The following ASAP1 variants were observed in gnomAD, a reference collection of about 807,000 sequenced individuals.
ASAP1 encodes the protein arf-GAP with SH3 domain, ANK repeat and PH domain-containing protein 1.
In ASAP1, 43 loss-of-function variants were observed where a neutral mutation model predicts 145.2. The observed-to-expected ratio is 0.30, with a 90% CI of 0.23 to 0.38. The LOEUF is 0.38. Ranked by LOEUF, ASAP1 falls within the 10% of genes least tolerant of loss-of-function variation. The pLI is 1.00. For synonymous variants in ASAP1, 546 were observed against 515.5 expected, an observed-to-expected ratio of 1.06 and a Z score of -0.80; for missense variants, 1,018 against 1,355.3, an observed-to-expected ratio of 0.75 and a Z score of 3.91.
At chr8:130,118,049 G>C (rs1255552671) in intron 20 of ASAP1, 112 bp downstream of exon 20, 4 of 816,858 alleles carry the variant, frequency 4.9e-6, no homozygotes, top group African/African-American at 1.7e-5. Context: ...TTTATATCTA[G>C]CATGACACAG....
chr8:130,210,056 A>G (rs1565092435), intron 5 of ASAP1, among the ~76,000 whole-genome samples: 1 of 152,204 alleles, frequency 6.6e-6, no homozygotes, highest in Non-Finnish European at 1.5e-5. Flanking sequence ...AGGAAGGACT[A>G]CTTATGAAGT....
chr8:130,284,842 T>TACACACACACACACACACACACAC (rs34799517), intron 3 of ASAP1, among the ~76,000 whole-genome samples: 1 of 141,534 alleles, frequency 7.1e-6, no homozygotes, highest in Admixed American at 7.1e-5. Flanking sequence ...TTTTACACTC[T>TACACACACACACACACACACACAC]ACACACACAC....
chr8:130,410,696 T>G (rs1222555999), intron 1 of ASAP1, among the ~76,000 whole-genome samples: 3 of 152,240 alleles, frequency 2.0e-5, no homozygotes, highest in African/African-American at 7.2e-5. Context: ...CAGAGCCATC[T>G]GGGCAGCTGC....
intron 2 of ASAP1, among the ~76,000 whole-genome samples, chr8:130,368,953 T>C (rs1017517780): frequency 1.1e-4 from 16 of 152,214 alleles, no homozygotes; most frequent in Admixed American, 8.5e-4. Context: ...GCTAATCTTT[T>C]CCTGGGTTCC....
intron 24 of ASAP1, among the ~76,000 whole-genome samples, chr8:130,098,910 C>A (rs74984564): frequency 0.019 from 2,914 of 152,076 alleles, 96 homozygotes; most frequent in African/African-American, 0.065. Context: ...TATTTTGTAT[C>A]CATTAATCAG....
rs1818097486 is a variant in ASAP1, at chr8:130,234,512, A to G, written c.259+2410T>C. On this transcript the variant is annotated intron_variant, in intron 4 of 29. Coordinates refer to ENST00000518721, the MANE Select transcript of ASAP1 (RefSeq NM_018482.4). ...CTTGAACTCTCACCTCTTTACATCC[A>G]TACAGGAACAATCTCTCCCTTCTGT... is the stretch of plus-strand genomic sequence containing the variant. 2.6e-5 allele frequency among the ~76,000 whole-genome samples: 4 copies of G among 152,136 alleles called. No homozygotes were observed. In the South Asian group the frequency reaches 8.3e-4, roughly 31 times the overall value.
intron 3 of ASAP1, among the ~76,000 whole-genome samples, chr8:130,307,939 G>C (rs971253011): frequency 6.6e-6 from 1 of 152,134 alleles, no homozygotes; most frequent in African/African-American, 2.4e-5. Context: ...GAGAAATAAT[G>C]TTTGCACAGC....
chr8:130,308,958 G>A (rs1424271848), intron 3 of ASAP1, among the ~76,000 whole-genome samples: 4 of 152,114 alleles, frequency 2.6e-5, no homozygotes, highest in South Asian at 4.1e-4. Context: ...CAACTATCAC[G>A]GGCAGTTGAG....
intron 3 of ASAP1, among the ~76,000 whole-genome samples, chr8:130,343,342 T>C (rs893616442): frequency 1.3e-5 from 2 of 152,158 alleles, no homozygotes; most frequent in African/African-American, 4.8e-5. Flanking sequence ...GCTTTCAGTC[T>C]GCTAAGCAGA....
chr8:130,296,922 A>G (rs553388333), intron 3 of ASAP1, among the ~76,000 whole-genome samples: 1 of 152,024 alleles, frequency 6.6e-6, no homozygotes, highest in Non-Finnish European at 1.5e-5. Flanking sequence ...GTAGCTTTCA[A>G]GTTTAACTGT....
At chr8:130,124,422 CACACATATAAACTAT>C (rs766649565) in intron 17 of ASAP1, among the ~76,000 whole-genome samples, 2 of 152,208 alleles carry the variant, frequency 1.3e-5, no homozygotes, top group Non-Finnish European at 2.9e-5. Context: ...TCTGGTTCTA[CACACATATAAACTAT>C]ATGAGATTAC....
At chr8:130,133,668 C>A (rs7462179) in intron 15 of ASAP1, among the ~76,000 whole-genome samples, 51,750 of 120,576 alleles carry the variant, frequency 0.43, 9,457 homozygotes, top group East Asian at 0.67. Context: ...GTCTCAAAAA[C>A]AAACAAACAA....
chr8:130,088,916 C>T (rs1008405278), intron 25 of ASAP1, among the ~76,000 whole-genome samples: 4 of 152,202 alleles, frequency 2.6e-5, no homozygotes, highest in Non-Finnish European at 5.9e-5. Flanking sequence ...TGGCACTGAA[C>T]ATTTCAAAGA....
At chr8:130,175,940 T>C (rs1468387614) in intron 9 of ASAP1, among the ~76,000 whole-genome samples, 1 of 152,212 alleles carries the variant, frequency 6.6e-6, no homozygotes, top group Non-Finnish European at 1.5e-5. Context: ...GCAATGTTTA[T>C]AAATGCTGTT....
At chr8:130,340,895 C>T (rs914199394) in intron 3 of ASAP1, 20 of 455,792 alleles carry the variant, frequency 4.4e-5, no homozygotes, top group African/African-American at 2.6e-4. Flanking sequence ...CCAATCATTG[C>T]GATGAATGAC....
intron 3 of ASAP1, among the ~76,000 whole-genome samples, chr8:130,331,858 A>T (rs1035052692): frequency 2.0e-5 from 3 of 152,206 alleles, no homozygotes; most frequent in Non-Finnish European, 4.4e-5. Context: ...ATCAGAATCC[A>T]CAAAAGCTGA....
At chr8:130,300,141 CACACACACACACAGAGAG>C (rs1429131806) in intron 3 of ASAP1, among the ~76,000 whole-genome samples, 9 of 117,870 alleles carry the variant, frequency 7.6e-5, no homozygotes, top group African/African-American at 3.1e-4. Flanking sequence ...CACACACACA[CACACACACACACAGAGAG>C]AGAGAGAGAG....
chr8:130,415,645 G>T (rs375509677), intron 1 of ASAP1, among the ~76,000 whole-genome samples: 1 of 151,962 alleles, frequency 6.6e-6, no homozygotes, highest in East Asian at 1.9e-4. Flanking sequence ...AAAATTAGCC[G>T]GGCATGGTGG....
chr8:130,296,698 C>G (rs1156314946), intron 3 of ASAP1, among the ~76,000 whole-genome samples: 1 of 152,020 alleles, frequency 6.6e-6, no homozygotes, highest in Non-Finnish European at 1.5e-5. Flanking sequence ...TGGCTTTTCC[C>G]CCTTTCTTTT....
Sources: allele counts gnomAD v4.1 joint callset (sites outside exome capture counted in the v4.1 genomes callset), GRCh38; gene constraint gnomAD v4.1.1; transcripts MANE v1.5; gene names NCBI Gene and HGNC (gene_info 2026-07-23, HGNC 2026-07-21).